The following DLGAP1 variants were observed in gnomAD, a reference collection of about 807,000 sequenced individuals.
DLGAP1 encodes disks large-associated protein 1.
A neutral mutation model predicts 90.8 loss-of-function variants in DLGAP1; 11 were observed. That is an observed-to-expected ratio of 0.12 (90% CI 0.08 to 0.20). The LOEUF (loss-of-function observed/expected upper bound fraction) is 0.20. Ranked by LOEUF, DLGAP1 falls within the 10% of genes least tolerant of loss-of-function variation. DLGAP1 has a pLI of 1.00. For synonymous variants in DLGAP1, 558 were observed against 540.7 expected (o/e 1.03, Z -0.44); for missense variants, 1,050 against 1,333.8 (o/e 0.79, Z 3.31).
intron 2 of DLGAP1, among the ~76,000 whole-genome samples, chr18:4,030,279 T>C (rs1378041779): frequency 6.6e-6 from 1 of 152,236 alleles, no homozygotes; most frequent in East Asian, 1.9e-4. Flanking sequence ...TATTCATGAC[T>C]GTATTCCTAG....
chr18:3,772,307 CTCCTTCCT>C (rs145426294), intron 5 of DLGAP1, among the ~76,000 whole-genome samples: 3 of 133,106 alleles, frequency 2.3e-5, no homozygotes, highest in African/African-American at 6.0e-5. Flanking sequence ...CTTTCTTTCT[CTCCTTCCT>C]TCCTTCCTTT....
intron 7 of DLGAP1, among the ~76,000 whole-genome samples, chr18:3,638,646 T>G (rs1169413413): frequency 6.6e-6 from 1 of 152,232 alleles, no homozygotes; most frequent in Non-Finnish European, 1.5e-5. Context: ...TAATGAGATA[T>G]TTATACTTTA....
At chr18:3,725,504 TCA>T (rs1203638046) in intron 7 of DLGAP1, among the ~76,000 whole-genome samples, 1 of 152,172 alleles carries the variant, frequency 6.6e-6, no homozygotes, top group Non-Finnish European at 1.5e-5. Context: ...TCTTGTTTTT[TCA>T]GTCATGATAT....
At chr18:4,427,227 T>C (rs977339740) in intron 1 of DLGAP1, among the ~76,000 whole-genome samples, 1 of 152,152 alleles carries the variant, frequency 6.6e-6, no homozygotes, top group African/African-American at 2.4e-5. Context: ...CAAAGCCACA[T>C]GCAGAAGTGA....
At chr18:3,556,305 A>ACCC (rs4065383) in intron 9 of DLGAP1, among the ~76,000 whole-genome samples, 1 of 151,838 alleles carries the variant, frequency 6.6e-6, no homozygotes, top group South Asian at 2.1e-4. Flanking sequence ...TGTCATTATC[A>ACCC]CCCAAAGTCC....
intron 1 of DLGAP1, among the ~76,000 whole-genome samples, chr18:4,444,395 T>C (rs544070960): frequency 6.6e-6 from 1 of 152,294 alleles, no homozygotes; most frequent in African/African-American, 2.4e-5. Flanking sequence ...TTGACTTCCT[T>C]TGTAATCTCC....
chr18:3,661,945 C>T (rs2059698522), intron 7 of DLGAP1, among the ~76,000 whole-genome samples: 1 of 151,984 alleles, frequency 6.6e-6, no homozygotes, highest in Admixed American at 6.6e-5. Flanking sequence ...TCACTGGAGC[C>T]TGGAGAAAAG....
chr18:3,534,709 T>C, intron 9 of DLGAP1, 94 bp from the exon 10 acceptor site: 1 of 1,152,390 alleles, frequency 8.7e-7, no homozygotes, highest in Non-Finnish European at 1.2e-6. Flanking sequence ...TTTTTTTTTT[T>C]TGACAGAGTC....
intron 2 of DLGAP1, among the ~76,000 whole-genome samples, chr18:4,026,669 C>G (rs1490649790): frequency 1.3e-5 from 2 of 152,144 alleles, no homozygotes; most frequent in Admixed American, 1.3e-4. Flanking sequence ...TAGAAACTAT[C>G]CTTTAGTGGT....
At chr18:3,500,174 T>A (rs901785009) in intron 12 of DLGAP1, among the ~76,000 whole-genome samples, 12 of 152,152 alleles carry the variant, frequency 7.9e-5, no homozygotes, top group Non-Finnish European at 1.5e-5. Context: ...TGACACAGGA[T>A]GAAAGAGGTC....
intron 4 of DLGAP1, among the ~76,000 whole-genome samples, chr18:3,863,943 T>C (rs143201418): frequency 5.7e-4 from 87 of 152,350 alleles, no homozygotes; most frequent in Middle Eastern, 3.4e-3. Context: ...TTGGGTACCT[T>C]AGAAAATAAA....
At chr18:3,635,883 A>G (rs2058698032) in intron 7 of DLGAP1, among the ~76,000 whole-genome samples, 1 of 151,412 alleles carries the variant, frequency 6.6e-6, no homozygotes. Flanking sequence ...TCTAATCCAG[A>G]CCCTTCCTAA....
chr18:3,582,600 A>G (rs907931978), intron 7 of DLGAP1, among the ~76,000 whole-genome samples: 1 of 152,202 alleles, frequency 6.6e-6, no homozygotes, highest in African/African-American at 2.4e-5. Flanking sequence ...AGGTGAGGGG[A>G]GTTTCTGTCT....
At chr18:4,283,362 G>A (rs903022463) in intron 1 of DLGAP1, among the ~76,000 whole-genome samples, 2 of 152,112 alleles carry the variant, frequency 1.3e-5, no homozygotes, top group East Asian at 1.9e-4. Context: ...ATTTGTCTTT[G>A]AATATTTTAG....
chr18:3,874,603 T>G, intron 4 of DLGAP1: 1 of 1,530,308 alleles, frequency 6.5e-7, no homozygotes, highest in Non-Finnish European at 8.7e-7. Context: ...ATTTAACTAT[T>G]AAGCACTTAC....
chr18:4,277,975 T>A (rs560028643), intron 1 of DLGAP1, among the ~76,000 whole-genome samples: 25 of 150,284 alleles, frequency 1.7e-4, no homozygotes, highest in African/African-American at 6.2e-4. Flanking sequence ...ACCTGAAAAG[T>A]GGGAAAGAGA....
At chr18:4,158,417 C>T (rs1430161023) in intron 1 of DLGAP1, among the ~76,000 whole-genome samples, 1 of 152,124 alleles carries the variant, frequency 6.6e-6, no homozygotes, top group Non-Finnish European at 1.5e-5. Flanking sequence ...AATAAGGGAC[C>T]TGCATTTTCA....
intron 2 of DLGAP1, among the ~76,000 whole-genome samples, chr18:4,070,720 T>G (rs1384465459): frequency 6.6e-6 from 1 of 152,034 alleles, no homozygotes; most frequent in Admixed American, 6.6e-5. Context: ...ATAAAAAGGT[T>G]GGATCCACAA....
At chr18:3,830,757 C>T (rs2067990155) in intron 4 of DLGAP1, among the ~76,000 whole-genome samples, 1 of 152,096 alleles carries the variant, frequency 6.6e-6, no homozygotes, top group African/African-American at 2.4e-5. Flanking sequence ...GTTTTAAAAC[C>T]ATTTGTTTAT....
Sources: gnomAD v4.1 joint callset for allele counts (sites outside exome capture counted in the v4.1 genomes callset) on GRCh38, gnomAD v4.1.1 for gene constraint, MANE v1.5 for transcripts, NCBI Gene and HGNC (gene_info 2026-07-23, HGNC 2026-07-21) for gene names.